Variants in GLS observed in about 807,000 individuals in gnomAD.
The protein encoded by GLS is glutaminase kidney isoform, mitochondrial.
GLS carries 36 observed loss-of-function variants against 86.7 expected under a neutral mutation model. The observed-to-expected ratio is 0.42, with a 90% CI of 0.32 to 0.55. The LOEUF is 0.55. Among genes scored for constraint, GLS ranks in the 20% least tolerant of loss-of-function variants. The probability of loss-of-function intolerance (pLI) is 0.17; values close to 1 mark genes in which losing one functional copy is unlikely to be tolerated. For synonymous variants in GLS, 317 were observed against 305.9 expected, an observed-to-expected ratio of 1.04 and a Z score of -0.38; for missense variants, 528 against 833.4, an observed-to-expected ratio of 0.63 and a Z score of 4.51.
At chr2:190,886,422 CT>C (rs1208148321) in intron 1 of GLS, among the ~76,000 whole-genome samples, 1 of 152,122 alleles carries the variant, frequency 6.6e-6, no homozygotes, top group Non-Finnish European at 1.5e-5. Context: ...AGACCTTACT[CT>C]TTTATAGAGA....
intron 1 of GLS, among the ~76,000 whole-genome samples, chr2:190,885,837 A>G (rs1411033290): frequency 6.6e-6 from 1 of 151,310 alleles, no homozygotes; most frequent in African/African-American, 2.4e-5. Flanking sequence ...GATGATTATC[A>G]GTGAGTTTTA....
intron 6 of GLS, among the ~76,000 whole-genome samples, chr2:190,908,091 A>T (rs1282894452): frequency 6.6e-6 from 1 of 152,166 alleles, no homozygotes; most frequent in African/African-American, 2.4e-5. Flanking sequence ...GGCACTGCAC[A>T]TTCTTCGTAA....
chr2:190,896,625 G>A (rs1267754327), intron 3 of GLS: 1 of 152,150 alleles, frequency 6.6e-6, no homozygotes, highest in Non-Finnish European at 1.5e-5. Context: ...TCATCTGAAG[G>A]TATAAGTATT....
Position 190,925,936 on chromosome 2 carries a change from CT to C in GLS, c.1248+1351del, listed in dbSNP as rs912448992. On this transcript the variant is annotated intron_variant, in intron 11 of 17. Transcript: ENST00000320717. ...TATGTGAAATTCCTTTGAAACTAGCCTTTTTTTTCCCCCTGGTCTGTATGAA... is the reference window on the plus strand; with the variant it reads ...TATGTGAAATTCCTTTGAAACTAGCCTTTTTTTCCCCCTGGTCTGTATGAA... 3.9e-5 allele frequency among the ~76,000 whole-genome samples: 6 copies of C among 152,074 alleles called. No individual in the cohort carries two copies. The East Asian group carries it at 9.6e-4, about 24-fold the overall frequency.
intron 3 of GLS, 76 bp from the exon 4 acceptor site, chr2:190,900,488 T>C: frequency 1.4e-6 from 1 of 708,922 alleles, no homozygotes. Flanking sequence ...AATAGTGTCC[T>C]AATTATTACT....
chr2:190,896,793 C>T lies in GLS; in HGVS notation c.605+1068C>T, dbSNP rs185952346. On this transcript the variant is annotated intron_variant, in intron 3 of 17. Transcript: ENST00000320717. ...TTGCAGTTGGTATTAGGAATTTTGACTTCCAGAACCTGCTTTTTAAGAGAC... is the reference window on the plus strand; with the variant it reads ...TTGCAGTTGGTATTAGGAATTTTGATTTCCAGAACCTGCTTTTTAAGAGAC... Among the ~76,000 whole-genome samples, 198 of 152,270 alleles carry T rather than the reference C, an allele frequency of 1.3e-3. 1 individual carries two copies. The highest frequency in any genetic ancestry group is 1.7e-3 in the Non-Finnish European group (115 of 68,028).
chr2:190,962,972 G>C lies in GLS; in HGVS notation c.1996G>C (p.Asp666His), dbSNP rs147729470. Reference protein sequence around the residue: ...KENQTVHKNLDGLL With the variant: ...KENQTVHKNLHGLL ...AAATCAAACCGTCCATAAGAATCTTGATGGATTGTTGTAATGGTCTCAAAT... is the reference window on the plus strand; with the variant it reads ...AAATCAAACCGTCCATAAGAATCTTCATGGATTGTTGTAATGGTCTCAAAT... Residue 666 changes from aspartate (D) to histidine (H), a missense_variant, in exon 18 of 18, where the codon GAT (aspartate) becomes CAT (histidine). By Grantham distance (81) the Asp-to-His change is moderately conservative. This residue lies in a region of GLS where 30 missense variants were observed against 36.9 expected (regional missense o/e 0.81). Transcript: ENST00000320717. This position sits in a 1 kb window ranked among gnomAD's most constrained non-coding sequence, Gnocchi z 4.2. 44 of 1,602,574 alleles carry C rather than the reference G, an allele frequency of 2.7e-5. No individual in the cohort carries two copies. Among genetic ancestry groups the C allele is most frequent in the Non-Finnish European group, 4.3e-6 (5 of 1,175,922 alleles).
intron 7 of GLS, among the ~76,000 whole-genome samples, chr2:190,911,902 T>C (rs2124871634): frequency 6.6e-6 from 1 of 152,222 alleles, no homozygotes; most frequent in Non-Finnish European, 1.5e-5. Flanking sequence ...ACGCATAGTC[T>C]CAAAAGGGCT....
intron 7 of GLS, among the ~76,000 whole-genome samples, chr2:190,917,976 A>G (rs1198629750): frequency 6.6e-6 from 1 of 152,108 alleles, no homozygotes. Flanking sequence ...GGCTTAAAAT[A>G]TTCAATAAAC....
At chr2:190,912,010 A>G (rs1407501513) in intron 7 of GLS, among the ~76,000 whole-genome samples, 1 of 152,126 alleles carries the variant, frequency 6.6e-6, no homozygotes, top group Non-Finnish European at 1.5e-5. Context: ...GAAATGCTGC[A>G]TGTGGGAATT....
At chr2:190,925,936 C>CT (rs912448992) in intron 11 of GLS, among the ~76,000 whole-genome samples, 1 of 151,956 alleles carries the variant, frequency 6.6e-6, no homozygotes, top group Admixed American at 6.6e-5. Context: ...TGAAACTAGC[C>CT]TTTTTTTTCC....
In GLS at chr2:190,951,849, GACACCTGAA is replaced by G. The variant is rs1440035911; in HGVS notation, c.1651-1712_1651-1704del. ...CCCATTAAAAAAGAAAGACATTAAG[GACACCTGAA>G]ACAGTGGTTTATAACCCAGAAAAGT... On this transcript the variant is annotated intron_variant, in intron 14 of 17. Transcript: ENST00000320717. This position sits in a 1 kb window ranked among gnomAD's most constrained non-coding sequence, Gnocchi z 4.2. Among the ~76,000 whole-genome samples, 1 of 152,164 alleles carries G rather than the reference GACACCTGAA, an allele frequency of 6.6e-6. No individual in the cohort carries two copies. The highest frequency in any genetic ancestry group is 1.5e-5 in the Non-Finnish European group (1 of 68,018).
chr2:190,937,874 A>G (rs1407259489), intron 14 of GLS, among the ~76,000 whole-genome samples: 1 of 127,394 alleles, frequency 7.8e-6, no homozygotes, highest in Non-Finnish European at 1.6e-5. Context: ...TTCATTCACC[A>G]GTAAATTACA....
At chr2:190,939,861 A>G (rs1690376732) in intron 14 of GLS, among the ~76,000 whole-genome samples, 4 of 151,760 alleles carry the variant, frequency 2.6e-5, no homozygotes, top group Admixed American at 1.3e-4. Flanking sequence ...GTCATTCCAA[A>G]TTAAAGATTT....
At position 190,963,985 on chromosome 2, in the gene GLS, G is replaced by A. The variant is rs1691064053; in HGVS notation, c.*999G>A. ...AAGTTATTCTGAAAGTATGGGAACT[G>A]CTACAACTAACAAACATTTGTTTCC... is the stretch of plus-strand genomic sequence containing the variant. On this transcript the variant is annotated 3_prime_UTR_variant, in exon 18 of 18. Coordinates refer to ENST00000320717, the MANE Select transcript of GLS (RefSeq NM_014905.5). 1 of 152,070 alleles carries A rather than the reference G, an allele frequency of 6.6e-6. No homozygotes were observed. Among genetic ancestry groups the A allele is most frequent in the South Asian group, 2.1e-4 (1 of 4,830 alleles). 9.4% of individuals were successfully genotyped at this position (152,070 alleles called of 1,614,324 possible). A position where few individuals can be genotyped will look rare whatever the true frequency, so the allele number is the denominator to read the frequency against.
chr2:190,936,850 C>T (rs1394876446), intron 14 of GLS, among the ~76,000 whole-genome samples: 1 of 151,216 alleles, frequency 6.6e-6, no homozygotes, highest in Non-Finnish European at 1.5e-5. Flanking sequence ...ATCTGTTTTA[C>T]TATTCATCTG....
At position 190,947,555 on chromosome 2, in the gene GLS, A is replaced by C. The variant is rs1690607746; in HGVS notation, c.1651-6010A>C. On this transcript the variant is annotated intron_variant, in intron 14 of 17. Transcript: ENST00000320717. The surrounding 1 kb of genome is among the most constrained non-coding windows in gnomAD (Gnocchi z 5.0). ...GTCTCTTTGCCATGGGGAGGTATACATTAAACATCAGAGCCCTTAATTTAA... is the reference window on the plus strand; with the variant it reads ...GTCTCTTTGCCATGGGGAGGTATACCTTAAACATCAGAGCCCTTAATTTAA... Among the ~76,000 whole-genome samples the C allele has an allele frequency of 6.6e-6, 1 of 152,210 alleles. No homozygotes were observed. The highest frequency in any genetic ancestry group is 2.1e-4 in the South Asian group (1 of 4,830).
In GLS at chr2:190,953,668, T is replaced by C; in HGVS notation, c.1712+42T>C. 2.2e-6 allele frequency: 3 copies of C among 1,337,966 alleles called. No homozygotes were observed. Among genetic ancestry groups the C allele is most frequent in the East Asian group, 2.3e-5 (1 of 43,368 alleles). The allele number at this position is 1,337,966 out of a possible 1,614,324, so 82.9% of individuals were successfully genotyped here. On this transcript the variant is annotated intron_variant, in intron 15 of 17. Transcript: ENST00000320717. The surrounding 1 kb of genome is among the most constrained non-coding windows in gnomAD (Gnocchi z 4.0). ...GATTAGCATGCACTTTACAGATATTTATGAAGTTGCTTCTGGGCGAGCAGC... is the reference window on the plus strand; with the variant it reads ...GATTAGCATGCACTTTACAGATATTCATGAAGTTGCTTCTGGGCGAGCAGC...
rs1018309361 is a variant in GLS, at chr2:190,881,378, T to C, written c.294T>C (p.Ala98=). ...CGCAGCCCGGGGTGTCGCCACCCGC[T>C]GCCCCGGCGGCGCCCGGCCCCAAGG... ...THPQPGVSPP[A]APAAPGPKDG... The change falls in exon 1 of 18, where the codon GCT becomes GCC. Residue 98 remains alanine (A), a synonymous_variant. Transcript: ENST00000320717. 2.5e-5 allele frequency: 38 copies of C among 1,540,552 alleles called. 1 individual carries two copies. In the Admixed American group the frequency reaches 6.3e-4, roughly 26 times the overall value.
Sources: gnomAD v4.1 joint callset for allele counts (sites outside exome capture counted in the v4.1 genomes callset) on GRCh38, gnomAD v4.1.1 for gene constraint, gnomAD v4.1.1 regional missense constraint, Gnocchi (gnomAD v3.1) non-coding constraint, MANE v1.5 for transcripts, NCBI Gene and HGNC (gene_info 2026-07-23, HGNC 2026-07-21) for gene names.